The following PADI6 variants were observed in gnomAD, a reference collection of about 807,000 sequenced individuals.
The protein encoded by PADI6 is peptidyl arginine deiminase 6.
In PADI6, 66 loss-of-function variants were observed where a neutral mutation model predicts 78.2. The observed-to-expected ratio is 0.84, with a 90% CI of 0.69 to 1.04. The LOEUF is 1.04. Ranked by LOEUF, PADI6 falls within the 50% of genes least tolerant of loss-of-function variation. The probability of loss-of-function intolerance (pLI) is 0.00; values close to 1 mark genes in which losing one functional copy is unlikely to be tolerated. For missense variants in PADI6, 854 were observed against 866.1 expected (o/e 0.99, Z 0.18); for synonymous variants, 397 against 346.9 (o/e 1.14, Z -1.60).
At chr1:17,385,039 T>G (rs1285084021) in intron 6 of PADI6, among the ~76,000 whole-genome samples, 2 of 152,136 alleles carry the variant, frequency 1.3e-5, no homozygotes, top group African/African-American at 4.8e-5. Context: ...CTGAGAAGTT[T>G]GCAGAGGAAT....
chr1:17,384,499 GT>G (rs35871277), intron 6 of PADI6, among the ~76,000 whole-genome samples: 34,336 of 152,082 alleles, frequency 0.23, 4,002 homozygotes, highest in Middle Eastern at 0.38. Flanking sequence ...AGCACTTTGA[GT>G]AGACCAAGAC....
chr1:17,379,111 A>ATTTTTTTTTTTTTTTTT (rs144547124), intron 3 of PADI6, among the ~76,000 whole-genome samples: 4 of 100,804 alleles, frequency 4.0e-5, no homozygotes, highest in African/African-American at 2.3e-4. Context: ...TGCCCAGTTA[A>ATTTTTTTTTTTTTTTTT]TTTTTTTTTT....
intron 9 of PADI6, among the ~76,000 whole-genome samples, chr1:17,393,368 G>A (rs113649434): frequency 1.6e-3 from 240 of 152,334 alleles, no homozygotes; most frequent in African/African-American, 5.5e-3. Flanking sequence ...GATCTTAAGA[G>A]TAGGCAAGAA....
chr1:17,392,261 G>A (rs765329691), intron 9 of PADI6, 36 bp downstream of exon 9: 9 of 1,464,116 alleles, frequency 6.1e-6, no homozygotes, highest in African/African-American at 1.4e-5. Flanking sequence ...TGTCGGGGAG[G>A]GGTGGGGAGA....
intron 6 of PADI6, among the ~76,000 whole-genome samples, chr1:17,385,359 G>A (rs2075109661): frequency 6.6e-6 from 1 of 152,164 alleles, no homozygotes; most frequent in South Asian, 2.1e-4. Flanking sequence ...AAAGGTGTGG[G>A]AGTGGACAGT....
chr1:17,385,755 G>A (rs2075113155), intron 6 of PADI6, among the ~76,000 whole-genome samples: 1 of 152,070 alleles, frequency 6.6e-6, no homozygotes, highest in Non-Finnish European at 1.5e-5. Flanking sequence ...AAAAGAAAGG[G>A]GTAGCTGGCA....
intron 14 of PADI6, 38 bp from the exon 15 acceptor site, chr1:17,398,648 T>TCCCCTGCCCCCCCC: frequency 1.0e-5 from 2 of 193,328 alleles, no homozygotes; most frequent in Non-Finnish European, 1.8e-5. Context: ...CTCTCCTTGC[T>TCCCCTGCCCCCCCC]CCCCCGCCCC....
intron 3 of PADI6, among the ~76,000 whole-genome samples, chr1:17,377,288 T>C (rs1384568435): frequency 6.6e-6 from 1 of 150,448 alleles, no homozygotes. Context: ...TACCTGCTGG[T>C]CAATCCCCTC....
chr1:17,400,269 T>C (rs2075288092), intron 15 of PADI6, among the ~76,000 whole-genome samples: 2 of 151,322 alleles, frequency 1.3e-5, no homozygotes, highest in Admixed American at 1.3e-4. Context: ...ATCCCAGCAC[T>C]TTGGGAGGCC....
rs970766458 is a variant in PADI6, at chr1:17,388,421, C to T, written c.720C>T (p.Asp240=). Residue 240 remains aspartate, a synonymous_variant, in exon 7 of 16, where the codon GAC becomes GAT. Coordinates refer to ENST00000619609, the MANE Select transcript of PADI6 (RefSeq NM_207421.4). ...SSTFELVLGP[D]QHAYTLALLG... ...CCTTTGAGTTGGTGCTGGGGCCCGA[C>T]CAGCACGCCTATACCTTGGCCCTCC... 1.2e-6 allele frequency: 2 copies of T among 1,613,696 alleles called. No individual in the cohort carries two copies. Among genetic ancestry groups the T allele is most frequent in the African/African-American group, 2.7e-5 (2 of 75,054 alleles).
intron 15 of PADI6, 59 bp from the exon 16 acceptor site, chr1:17,401,146 G>C (rs2075297587): frequency 4.6e-6 from 7 of 1,522,626 alleles, no homozygotes; most frequent in Non-Finnish European, 6.3e-6. Flanking sequence ...GCAGGTGGGC[G>C]GCTGGCTTTC....
chr1:17,393,689 G>A (rs946201797), intron 9 of PADI6, among the ~76,000 whole-genome samples: 1 of 152,130 alleles, frequency 6.6e-6, no homozygotes, highest in Non-Finnish European at 1.5e-5. Flanking sequence ...TTCCCAGGCT[G>A]GTCTTGAATT....
rs775156958 is a variant in PADI6 at position 17,382,046 on chromosome 1, T to A, written c.633T>A (p.His211Gln). ...TAAAGAAATATCGGCTAGTCCTCCA[T>A]ACCTCCAAGGAAGAGTCGAAGAAGG... is the stretch of plus-strand genomic sequence containing the variant. ...CILKKYRLVL[H>Q]TSKEESKKAR... Residue 211 changes from histidine (H) to glutamine (Q), a missense_variant, in exon 6 of 16, where the codon CAT becomes CAA. His to Gln is a conservative substitution (Grantham distance 24). Coordinates refer to ENST00000619609, the MANE Select transcript of PADI6 (RefSeq NM_207421.4). 4 of 1,613,942 alleles carry A rather than the reference T, an allele frequency of 2.5e-6. No individual in the cohort carries two copies. The East Asian group carries it at 8.9e-5, about 36-fold the overall frequency.
chr1:17,384,901 G>A (rs780210210), intron 6 of PADI6, among the ~76,000 whole-genome samples: 3 of 152,236 alleles, frequency 2.0e-5, no homozygotes, highest in Non-Finnish European at 2.9e-5. Flanking sequence ...TCTCCGTAAA[G>A]GGAGATGTGT....
At chr1:17,386,783 C>T (rs1253697930) in intron 6 of PADI6, among the ~76,000 whole-genome samples, 1 of 152,190 alleles carries the variant, frequency 6.6e-6, no homozygotes, top group Non-Finnish European at 1.5e-5. Context: ...CTGCAGAGTC[C>T]ATCGGGAGGG....
At chr1:17,387,458 AG>A (rs71014946) in intron 6 of PADI6, among the ~76,000 whole-genome samples, 3,517 of 138,314 alleles carry the variant, frequency 0.025, 114 homozygotes, top group African/African-American at 0.078. Context: ...AAAGAAAAGG[AG>A]GGGGGGGGGC....
rs915679231 is a variant in PADI6 at position 17,394,160 on chromosome 1, C to T, written c.1182+78C>T. 4 of 1,556,744 alleles carry T rather than the reference C, an allele frequency of 2.6e-6. No individual in the cohort carries two copies. The Admixed American group carries it at 7.0e-5, about 27-fold the overall frequency. On this transcript the variant is annotated intron_variant, in intron 10 of 15. Transcript: ENST00000619609. ...GGCCTGCCTAGAAATAATGGGGCAC[C>T]AAGTGGGGAGAGGGCCCAGGTGGCC...
chr1:17,397,015 C>G, intron 13 of PADI6, 56 bp from the exon 14 acceptor site: 11 of 1,565,198 alleles, frequency 7.0e-6, no homozygotes, highest in Non-Finnish European at 9.6e-6. Context: ...GTGCCCAGCT[C>G]TGGGCAGTGC....
At chr1:17,392,272 C>T (rs1440273757) in intron 9 of PADI6, 47 bp downstream of exon 9, 1 of 1,391,304 alleles carries the variant, frequency 7.2e-7, no homozygotes, top group Admixed American at 2.0e-5. Flanking sequence ...GGTGGGGAGA[C>T]TCAGCATGTG....
Sources: gnomAD v4.1 joint callset for allele counts (sites outside exome capture counted in the v4.1 genomes callset) on GRCh38, gnomAD v4.1.1 for gene constraint, MANE v1.5 for transcripts, NCBI Gene and HGNC (gene_info 2026-07-23, HGNC 2026-07-21) for gene names.